The following ZC3HAV1 variants were observed in gnomAD, a reference collection of about 807,000 sequenced individuals.
The protein encoded by ZC3HAV1 is zinc finger CCCH-type containing, antiviral 1.
A neutral mutation model predicts 86.6 loss-of-function variants in ZC3HAV1; 41 were observed. The observed-to-expected ratio is 0.47, with a 90% CI of 0.37 to 0.61. The LOEUF (loss-of-function observed/expected upper bound fraction) is 0.61. Among genes scored for constraint, ZC3HAV1 ranks in the 20% least tolerant of loss-of-function variants. The probability of loss-of-function intolerance (pLI) is 0.00; values close to 1 mark genes in which losing one functional copy is unlikely to be tolerated. For missense variants in ZC3HAV1, 964 were observed against 1,141.1 expected (o/e 0.84, Z 2.24); for synonymous variants, 421 against 432.1 (o/e 0.97, Z 0.32).
chr7:139,077,553 T>C (rs954777765), intron 5 of ZC3HAV1, among the ~76,000 whole-genome samples: 1 of 152,118 alleles, frequency 6.6e-6, no homozygotes, highest in African/African-American at 2.4e-5. Flanking sequence ...ATTTTATGGA[T>C]GTTTTCATGC....
chr7:139,085,871 G>A lies in ZC3HAV1; in HGVS notation c.445-1839C>T, dbSNP rs565654843. Among the ~76,000 whole-genome samples, 7 of 152,130 alleles carry A rather than the reference G, an allele frequency of 4.6e-5. No homozygotes were observed. The East Asian group carries it at 5.8e-4, about 13-fold the overall frequency. On this transcript the variant is annotated intron_variant, in intron 2 of 12. Transcript: ENST00000242351. ...CTACGAAAAATACAAAAAATTATCC[G>A]GGTGTGGTGGTGTATGGCTGTAATC...
At chr7:139,102,352 AC>A (rs1374849469) in intron 1 of ZC3HAV1, among the ~76,000 whole-genome samples, 2 of 151,996 alleles carry the variant, frequency 1.3e-5, no homozygotes, top group Non-Finnish European at 2.9e-5. Flanking sequence ...CTGGTCTCGA[AC>A]CCCTGACTTC....
chr7:139,078,426 T>C (rs1817019649), intron 5 of ZC3HAV1, 126 bp downstream of exon 5: 1 of 696,334 alleles, frequency 1.4e-6, no homozygotes, highest in African/African-American at 1.9e-5. Context: ...ACTCCACTTC[T>C]GGGTATATAT....
chr7:139,072,993 C>A (rs912768218), intron 7 of ZC3HAV1, among the ~76,000 whole-genome samples: 29 of 152,086 alleles, frequency 1.9e-4, no homozygotes, highest in African/African-American at 7.0e-4. Flanking sequence ...TCAAGCGGTT[C>A]CTTAAAAATA....
chr7:139,056,895 G>A (rs1440336666), intron 9 of ZC3HAV1, among the ~76,000 whole-genome samples: 3 of 152,066 alleles, frequency 2.0e-5, no homozygotes, highest in East Asian at 1.9e-4. Flanking sequence ...ACGTGAACTG[G>A]GTATTAGATG....
chr7:139,092,407 A>C (rs1817463297), intron 1 of ZC3HAV1, among the ~76,000 whole-genome samples: 1 of 152,196 alleles, frequency 6.6e-6, no homozygotes, highest in Non-Finnish European at 1.5e-5. Flanking sequence ...GGTTAGTAAA[A>C]ACAAGGTTGG....
intron 7 of ZC3HAV1, among the ~76,000 whole-genome samples, chr7:139,065,689 A>C (rs1816579847): frequency 6.6e-6 from 1 of 152,124 alleles, no homozygotes; most frequent in African/African-American, 2.4e-5. Context: ...GTGGATCACG[A>C]GGTCAAGAGA....
intron 2 of ZC3HAV1, 136 bp from the exon 3 acceptor site, chr7:139,084,168 T>G: frequency 2.5e-6 from 3 of 1,198,036 alleles, no homozygotes; most frequent in Non-Finnish European, 2.3e-6. Flanking sequence ...TACATGCATA[T>G]TCTGCAGTCT....
chr7:139,100,766 CTTT>C (rs71520045), intron 1 of ZC3HAV1, among the ~76,000 whole-genome samples: 3,837 of 144,554 alleles, frequency 0.027, 410 homozygotes, highest in African/African-American at 0.091. Flanking sequence ...CTCTCCCTCT[CTTT>C]CCACGGTCTC....
At chr7:139,102,918 CAAA>C (rs1331452732) in intron 1 of ZC3HAV1, among the ~76,000 whole-genome samples, 2 of 117,750 alleles carry the variant, frequency 1.7e-5, no homozygotes, top group Non-Finnish European at 3.6e-5. Context: ...GATCCTGTCT[CAAA>C]AAAAAAAAAA....
chr7:139,068,426 C>G (rs1050778798), intron 7 of ZC3HAV1, among the ~76,000 whole-genome samples: 2 of 152,146 alleles, frequency 1.3e-5, no homozygotes, highest in African/African-American at 2.4e-5. Flanking sequence ...TCAGAGTGAT[C>G]GTCTTGCACC....
chr7:139,046,255 T>C lies in ZC3HAV1; in HGVS notation c.*1339A>G, dbSNP rs933968462. On this transcript the variant is annotated 3_prime_UTR_variant, in exon 13 of 13. Transcript: ENST00000242351. Reference sequence around the variant, plus strand: ...GTAGACACAGGGCCTCTTTGGGATATTGTTCTTTGTTCTGATTCTGTGCTC... The same window carrying C: ...GTAGACACAGGGCCTCTTTGGGATACTGTTCTTTGTTCTGATTCTGTGCTC... 2.6e-5 allele frequency: 4 copies of C among 152,168 alleles called. No individual in the cohort carries two copies. The highest frequency in any genetic ancestry group is 7.2e-5 in the African/African-American group (3 of 41,446). The allele number at this position is 152,168 out of a possible 1,614,324, so 9.4% of individuals were successfully genotyped here.
chr7:139,088,063 G>GA (rs957029112), intron 2 of ZC3HAV1, among the ~76,000 whole-genome samples: 4 of 124,114 alleles, frequency 3.2e-5, no homozygotes, highest in Admixed American at 8.1e-5. Context: ...AAAGAAAAAA[G>GA]AAAAAAAAAG....
rs748094390 is a variant in ZC3HAV1 at position 139,083,772 on chromosome 7, G to A, written c.697+8C>T. 1.9e-6 allele frequency: 3 copies of A among 1,598,552 alleles called. No homozygotes were observed. The highest frequency in any genetic ancestry group is 1.7e-4 in the Middle Eastern group (1 of 5,966). ...AGTTCACACAATTGAAAAAGAAAAGGCCTTTACCTCTGGGCCCTGGGGGAT... is the reference window on the plus strand; with the variant it reads ...AGTTCACACAATTGAAAAAGAAAAGACCTTTACCTCTGGGCCCTGGGGGAT... On this transcript the variant is annotated splice_region_variant and intron_variant, in intron 3 of 12. Transcript: ENST00000242351.
chr7:139,100,898 G>A lies in ZC3HAV1; in HGVS notation c.308+8126C>T, dbSNP rs1418118846. On this transcript the variant is annotated intron_variant, in intron 1 of 12. Coordinates refer to ENST00000242351, the MANE Select transcript of ZC3HAV1 (RefSeq NM_020119.4). ...CCGTCTCCCTCTGATGCGGAGCCGA[G>A]GCTGGACTGTACTGCTGCCATCTCG... Among the ~76,000 whole-genome samples the A allele has an allele frequency of 1.1e-4, 16 of 151,554 alleles. 1 individual carries two copies. Among genetic ancestry groups the A allele is most frequent in the Admixed American group, 9.2e-4 (14 of 15,170 alleles).
intron 1 of ZC3HAV1, among the ~76,000 whole-genome samples, chr7:139,090,066 C>G (rs759943234): frequency 3.3e-4 from 50 of 151,950 alleles, no homozygotes; most frequent in Non-Finnish European, 1.3e-4. Context: ...AACACAGGCA[C>G]GCACCACCAC....
intron 1 of ZC3HAV1, among the ~76,000 whole-genome samples, chr7:139,095,629 G>A (rs1252070152): frequency 1.3e-5 from 2 of 152,194 alleles, no homozygotes; most frequent in Non-Finnish European, 2.9e-5. Flanking sequence ...TGAGGATAGG[G>A]GAGGCCGGAG....
rs1415082477 is a variant in ZC3HAV1 at position 139,044,969 on chromosome 7, TAC to T, written c.*2623_*2624del. The stretch of plus-strand genomic sequence containing the variant: ...TAATGCCCACTGATATCCCTGCTTT[TAC>T]ATTTTCCCACATATGATCTGATCTC... On this transcript the variant is annotated 3_prime_UTR_variant, in exon 13 of 13. Coordinates refer to ENST00000242351, the MANE Select transcript of ZC3HAV1 (RefSeq NM_020119.4). 13 of 152,252 alleles carry T rather than the reference TAC, an allele frequency of 8.5e-5. No individual in the cohort carries two copies. The highest frequency in any genetic ancestry group is 3.1e-4 in the African/African-American group (13 of 41,468). The allele number at this position is 152,252 out of a possible 1,614,324, so 9.4% of individuals were successfully genotyped here.
chr7:139,109,449 G>A lies in ZC3HAV1; in HGVS notation c.-118C>T, dbSNP rs1818044527. On this transcript the variant is annotated 5_prime_UTR_variant, in exon 1 of 13. Coordinates refer to ENST00000242351, the MANE Select transcript of ZC3HAV1 (RefSeq NM_020119.4). ...GGCGGTGCTACTGCTGGGCGCGCCCGGAGTCAGCGAGGGCGCGCTCTCCGT... is the reference window on the plus strand; with the variant it reads ...GGCGGTGCTACTGCTGGGCGCGCCCAGAGTCAGCGAGGGCGCGCTCTCCGT... 11 of 1,314,338 alleles carry A rather than the reference G, an allele frequency of 8.4e-6. No homozygotes were observed. The highest frequency in any genetic ancestry group is 1.5e-5 in the African/African-American group (1 of 66,408). 81.4% of individuals were successfully genotyped at this position (1,314,338 alleles called of 1,614,324 possible).
Sources: gnomAD v4.1 joint callset for allele counts (sites outside exome capture counted in the v4.1 genomes callset) on GRCh38, gnomAD v4.1.1 for gene constraint, MANE v1.5 for transcripts, NCBI Gene and HGNC (gene_info 2026-07-23, HGNC 2026-07-21) for gene names.